SLC25A36: variants seen among roughly 807,000 people sequenced by gnomAD.
The protein encoded by SLC25A36 is solute carrier family 25 member 36.
A neutral mutation model predicts 35.3 loss-of-function variants in SLC25A36; 24 were observed. The ratio of observed to expected loss-of-function variants is 0.68; its 90% confidence interval spans 0.49 to 0.96. SLC25A36 has a LOEUF of 0.96. Among genes scored for constraint, SLC25A36 ranks in the 40% least tolerant of loss-of-function variants. SLC25A36 has a pLI of 0.00. For missense variants in SLC25A36, 294 were observed against 381.1 expected (o/e 0.77, Z 1.90); for synonymous variants, 141 against 132.2 (o/e 1.07, Z -0.46).
At chr3:140,974,109 C>A (rs887619279) in intron 6 of SLC25A36, 104 bp downstream of exon 6, 2 of 761,262 alleles carry the variant, frequency 2.6e-6, no homozygotes, top group Non-Finnish European at 4.2e-6. Context: ...TAACAAAATA[C>A]AATTATTGGG....
intron 4 of SLC25A36, chr3:140,964,975 T>G (rs1934723694): frequency 6.6e-6 from 1 of 151,900 alleles, no homozygotes. Flanking sequence ...ATCTGTACAT[T>G]GATGCCATTT....
intron 1 of SLC25A36, among the ~76,000 whole-genome samples, chr3:140,951,629 G>A (rs111693652): frequency 0.028 from 4,283 of 151,796 alleles, 194 homozygotes; most frequent in African/African-American, 0.099. Flanking sequence ...GATTACAGGC[G>A]TGCACCACCA....
intron 1 of SLC25A36, among the ~76,000 whole-genome samples, chr3:140,950,165 T>C (rs1279602135): frequency 6.6e-6 from 1 of 152,200 alleles, no homozygotes; most frequent in Admixed American, 6.5e-5. Flanking sequence ...ATTGTGACAA[T>C]ACAAATATTG....
At chr3:140,952,805 T>C (rs1394859494) in intron 1 of SLC25A36, among the ~76,000 whole-genome samples, 1 of 152,240 alleles carries the variant, frequency 6.6e-6, no homozygotes, top group Non-Finnish European at 1.5e-5. Flanking sequence ...GCTTTTTGTT[T>C]GTTTTCGTTT....
chr3:140,945,885 C>T (rs897694055), intron 1 of SLC25A36, among the ~76,000 whole-genome samples: 2 of 151,986 alleles, frequency 1.3e-5, no homozygotes, highest in African/African-American at 4.8e-5. Flanking sequence ...AACTGTATGC[C>T]GAAGTGTGGT....
intron 1 of SLC25A36, 33 bp downstream of exon 1, chr3:140,942,128 T>G: frequency 1.2e-6 from 1 of 845,086 alleles, no homozygotes; most frequent in Non-Finnish European, 1.6e-6. Flanking sequence ...GCACTGGGGC[T>G]GAGGGTGCTG....
At chr3:140,971,187 AAT>A (rs977273174) in intron 5 of SLC25A36, among the ~76,000 whole-genome samples, 194 bp downstream of exon 5, 1 of 151,954 alleles carries the variant, frequency 6.6e-6, no homozygotes, top group African/African-American at 2.4e-5. Flanking sequence ...GTATATTATT[AAT>A]ATGTGTTGTT....
At chr3:140,967,070 T>C (rs1244969341) in intron 4 of SLC25A36, 2 of 455,794 alleles carry the variant, frequency 4.4e-6, no homozygotes, top group Non-Finnish European at 8.8e-6. Flanking sequence ...TTGCAGCCTG[T>C]AGTATAAGAA....
At position 140,956,524 on chromosome 3, in the gene SLC25A36, T is replaced by TA. The variant is rs778928184; in HGVS notation, c.42-2dup. 3.9e-6 allele frequency: 6 copies of TA among 1,538,070 alleles called. No homozygotes were observed. Among genetic ancestry groups the TA allele is most frequent in the African/African-American group, 1.4e-5 (1 of 71,304 alleles). ...CTGTGTTCTTTTTTTTTTTTTTTTTTAGATGTGGTGGTACAGTGGGAGCTA... is the reference window on the plus strand; with the variant it reads ...CTGTGTTCTTTTTTTTTTTTTTTTTTAAGATGTGGTGGTACAGTGGGAGCTA... On this transcript the variant is annotated splice_polypyrimidine_tract_variant and splice_region_variant and intron_variant, in intron 1 of 6. Transcript: ENST00000324194.
chr3:140,968,852 C>A, intron 4 of SLC25A36: 1 of 324,366 alleles, frequency 3.1e-6, no homozygotes, highest in Non-Finnish European at 4.4e-6. Context: ...CCTAGATTGG[C>A]TGTTTTTTAA....
At position 140,942,044 on chromosome 3, in the gene SLC25A36, C is replaced by A; in HGVS notation, c.-11C>A. 1 of 1,462,328 alleles carries A rather than the reference C, an allele frequency of 6.8e-7. No individual in the cohort carries two copies. Among genetic ancestry groups the A allele is most frequent in the Non-Finnish European group, 9.3e-7 (1 of 1,079,220 alleles). 90.6% of individuals were successfully genotyped at this position (1,462,328 alleles called of 1,614,324 possible). A position where few individuals can be genotyped will look rare whatever the true frequency, so the allele number is the denominator to read the frequency against. ...CCCGCCTCAGCGGCCGGAGGACATG[C>A]GGGAGAGAGAATGAGCCAGAGGGAC... On this transcript the variant is annotated 5_prime_UTR_variant, in exon 1 of 7. Coordinates refer to ENST00000324194, the MANE Select transcript of SLC25A36 (RefSeq NM_001104647.3).
At chr3:140,972,795 T>C (rs1393745474) in intron 5 of SLC25A36, 1 of 152,174 alleles carries the variant, frequency 6.6e-6, no homozygotes, top group Non-Finnish European at 1.5e-5. Flanking sequence ...AGACAATCCA[T>C]TCATAAAACT....
intron 4 of SLC25A36, among the ~76,000 whole-genome samples, chr3:140,967,384 A>G (rs979189493): frequency 1.3e-5 from 2 of 151,954 alleles, no homozygotes; most frequent in African/African-American, 4.8e-5. Flanking sequence ...TTAAAAGCCT[A>G]ATACAATGCT....
rs1304371195 is a variant in SLC25A36, at chr3:140,956,676, C to G, written c.191C>G (p.Pro64Arg). The G allele has an allele frequency of 6.2e-7, 1 of 1,609,094 alleles. No individual in the cohort carries two copies. Among genetic ancestry groups the G allele is most frequent in the Non-Finnish European group, 8.5e-7 (1 of 1,178,212 alleles). Reference protein sequence around the residue: ...ASVNRVVSPGPLHCLKVILEK... With the variant: ...ASVNRVVSPGRLHCLKVILEK... ...GTCAACCGAGTAGTGTCTCCCGGACCTCTTCATTGCCTAAAGTGAGAGCAT... is the reference window on the plus strand; with the variant it reads ...GTCAACCGAGTAGTGTCTCCCGGACGTCTTCATTGCCTAAAGTGAGAGCAT... The change falls in exon 2 of 7, where the codon CCT (proline) becomes CGT (arginine). Residue 64 changes from proline (P) to arginine (R), a missense_variant. Pro to Arg is a moderately radical substitution (Grantham distance 103). Around this residue, in one of 2 missense-constraint regions of SLC25A36, gnomAD observed 185 missense variants for 201.5 expected, o/e 0.92. Transcript: ENST00000324194.
chr3:140,961,426 A>G (rs768009832), intron 3 of SLC25A36, among the ~76,000 whole-genome samples: 3 of 151,382 alleles, frequency 2.0e-5, no homozygotes, highest in Admixed American at 1.3e-4. Flanking sequence ...GATTATTTTT[A>G]GATTTTCATT....
intron 1 of SLC25A36, among the ~76,000 whole-genome samples, chr3:140,944,607 A>G (rs889242841): frequency 1.3e-5 from 2 of 152,224 alleles, no homozygotes; most frequent in African/African-American, 4.8e-5. Context: ...AGCTGCATAT[A>G]TCTACAGAGG....
In SLC25A36 at chr3:140,941,934, C is replaced by G. The variant is rs1470788333; in HGVS notation, c.-121C>G. On this transcript the variant is annotated 5_prime_UTR_variant, in exon 1 of 7. Transcript: ENST00000324194. ...TTGCTTTCTGCAGCCGCATCTCGGC[C>G]AGCTCTCCTCGCCGTCCCCGGGGCG... The G allele has an allele frequency of 2.8e-5, 17 of 603,284 alleles. No individual in the cohort carries two copies. The highest frequency in any genetic ancestry group is 4.5e-5 in the Non-Finnish European group (16 of 353,900). The allele number at this position is 603,284 out of a possible 1,614,324, so 37.4% of individuals were successfully genotyped here. A position where few individuals can be genotyped will look rare whatever the true frequency, so the allele number is the denominator to read the frequency against.
intron 4 of SLC25A36, 199 bp downstream of exon 4, chr3:140,963,426 A>C: frequency 4.3e-6 from 2 of 460,244 alleles, no homozygotes; most frequent in South Asian, 5.5e-5. Context: ...AGGAGTTTAC[A>C]TGCTAGGGTA....
intron 1 of SLC25A36, among the ~76,000 whole-genome samples, chr3:140,950,016 A>G (rs972904464): frequency 3.9e-5 from 6 of 152,116 alleles, no homozygotes; most frequent in Non-Finnish European, 8.8e-5. Context: ...AAATTAATAT[A>G]TTATACATCA....
Sources: allele counts gnomAD v4.1 joint callset (sites outside exome capture counted in the v4.1 genomes callset), GRCh38; gene constraint gnomAD v4.1.1; regional missense constraint gnomAD v4.1.1; transcripts MANE v1.5; gene names NCBI Gene and HGNC (gene_info 2026-07-23, HGNC 2026-07-21).